Variants in ABLIM1 observed in about 807,000 individuals in gnomAD.
ABLIM1 encodes the protein actin binding LIM protein 1, also known as actin-binding LIM protein 1.
A neutral mutation model predicts 107.0 loss-of-function variants in ABLIM1; 40 were observed. The ratio of observed to expected loss-of-function variants is 0.37; its 90% CI spans 0.29 to 0.49. ABLIM1 has a LOEUF of 0.49. ABLIM1 is among the 20% of genes least tolerant of loss of function. The pLI is 0.97. For missense variants in ABLIM1, 857 were observed against 1,008.5 expected, an observed-to-expected ratio of 0.85 and a Z score of 2.04; for synonymous variants, 357 against 357.3, an observed-to-expected ratio of 1.00 and a Z score of 0.01.
In ABLIM1 at chr10:114,626,758, T is replaced by A. The variant is rs115051453; in HGVS notation, c.245-24797A>T. ...CTCAGAATGTGGCCCTATTTGGAGA[T>A]AGGGTCTTTACAGTGGTGACCAAGT... On this transcript the variant is annotated intron_variant, in intron 1 of 22. Transcript: ENST00000533213. Among the ~76,000 whole-genome samples the A allele has an allele frequency of 3.4e-3, 525 of 152,246 alleles. 3 individuals are homozygous for A. The highest frequency in any genetic ancestry group is 0.012 in the African/African-American group (499 of 41,544).
At chr10:114,716,525 A>T (rs1178223591) in intron 1 of ABLIM1, among the ~76,000 whole-genome samples, 1 of 152,120 alleles carries the variant, frequency 6.6e-6, no homozygotes, top group Non-Finnish European at 1.5e-5. Flanking sequence ...TTATGTGGGG[A>T]CCACTATCTC....
At chr10:114,521,976 C>G (rs573730946) in intron 6 of ABLIM1, among the ~76,000 whole-genome samples, 14 of 152,050 alleles carry the variant, frequency 9.2e-5, no homozygotes, top group Non-Finnish European at 1.9e-4. Context: ...GGATACCTCT[C>G]CAAGTCAAAA....
In ABLIM1 at chr10:114,524,359, C is replaced by A. The variant is rs1248400261; in HGVS notation, c.894+20646G>T. 2.0e-5 allele frequency among the ~76,000 whole-genome samples: 3 copies of A among 152,150 alleles called. No homozygotes were observed. In the South Asian group the frequency reaches 6.2e-4, roughly 32 times the overall value. ...AAATTTTAAACGGAAAAAATCCCAG[C>A]CATTGACTTCATCGTTATCTGTAAA... On this transcript the variant is annotated intron_variant, in intron 6 of 22. Transcript: ENST00000533213.
At chr10:114,572,156 C>T (rs147695763) in intron 3 of ABLIM1, among the ~76,000 whole-genome samples, 37 of 152,322 alleles carry the variant, frequency 2.4e-4, no homozygotes, top group Admixed American at 2.0e-3. Context: ...AATGAACAGA[C>T]ATATGACAGT....
chr10:114,461,593 T>G (rs1589935989), intron 12 of ABLIM1, among the ~76,000 whole-genome samples: 1 of 151,772 alleles, frequency 6.6e-6, no homozygotes, highest in African/African-American at 2.4e-5. Context: ...TCAAGGCGGG[T>G]GGATCACTTG....
chr10:114,491,012 G>GTGTATGTATATATATA, intron 7 of ABLIM1, among the ~76,000 whole-genome samples: 8 of 92,388 alleles, frequency 8.7e-5, no homozygotes, highest in African/African-American at 3.2e-4. Context: ...GTGTGTGTGT[G>GTGTATGTATATATATA]TATATATATA....
chr10:114,456,924 G>GT (rs60405111), intron 12 of ABLIM1, among the ~76,000 whole-genome samples: 3,278 of 108,960 alleles, frequency 0.03, 122 homozygotes, highest in African/African-American at 0.11. Context: ...CTCTCTAGTT[G>GT]TTTTTTTTTT....
intron 1 of ABLIM1, among the ~76,000 whole-genome samples, chr10:114,678,190 G>A (rs1399868746): frequency 6.6e-6 from 1 of 151,530 alleles, no homozygotes; most frequent in Non-Finnish European, 1.5e-5. Context: ...GCAAAAACAT[G>A]AACGTTCTTA....
Position 114,444,152 on chromosome 10 carries a change from G to GAAAA in ABLIM1, c.1828-22_1828-19dup. ...GAGTTAAGCTATTCACAGAAAAAAG[G>GAAAA]AAAAAAAAAAAAAAAAGAAAGCAAA... On this transcript the variant is annotated intron_variant, in intron 16 of 22. Transcript: ENST00000533213. 1.9e-5 allele frequency: 24 copies of GAAAA among 1,276,130 alleles called. No individual in the cohort carries two copies. The highest frequency in any genetic ancestry group is 3.2e-5 in the African/African-American group (2 of 61,746). The allele number at this position is 1,276,130 out of a possible 1,614,324, so 79.1% of individuals were successfully genotyped here. A position where few individuals can be genotyped will look rare whatever the true frequency, so the allele number is the denominator to read the frequency against.
At chr10:114,733,212 A>G (rs1434269983) in intron 1 of ABLIM1, among the ~76,000 whole-genome samples, 1 of 152,182 alleles carries the variant, frequency 6.6e-6, no homozygotes, top group Non-Finnish European at 1.5e-5. Flanking sequence ...ATCAGGTACT[A>G]GTAGGTGATA....
intron 1 of ABLIM1, among the ~76,000 whole-genome samples, chr10:114,674,053 G>T (rs2080372891): frequency 6.6e-6 from 1 of 152,090 alleles, no homozygotes; most frequent in African/African-American, 2.4e-5. Context: ...ACTTTGGGAG[G>T]CCGAGGCAGG....
intron 1 of ABLIM1, among the ~76,000 whole-genome samples, chr10:114,638,551 C>T (rs906272889): frequency 6.6e-6 from 1 of 151,964 alleles, no homozygotes; most frequent in African/African-American, 2.4e-5. Flanking sequence ...AAGCCATGGG[C>T]CCTCTCTTTG....
intron 1 of ABLIM1, among the ~76,000 whole-genome samples, chr10:114,697,512 C>T (rs1233726330): frequency 1.3e-5 from 2 of 152,182 alleles, no homozygotes; most frequent in Non-Finnish European, 2.9e-5. Context: ...TAAATGCCAG[C>T]GAGTAGGAGG....
intron 8 of ABLIM1, among the ~76,000 whole-genome samples, chr10:114,476,669 A>ATAC (rs1185226090): frequency 6.7e-6 from 1 of 150,036 alleles, no homozygotes; most frequent in Non-Finnish European, 1.5e-5. Context: ...AATAATAATA[A>ATAC]TAATAATAAT....
intron 6 of ABLIM1, among the ~76,000 whole-genome samples, chr10:114,507,701 G>A (rs866360247): frequency 2.0e-5 from 3 of 152,184 alleles, no homozygotes; most frequent in South Asian, 4.1e-4. Context: ...TCTAGGGACC[G>A]TGCCATGGCT....
chr10:114,523,054 G>A (rs1025137029), intron 6 of ABLIM1, among the ~76,000 whole-genome samples: 1 of 152,156 alleles, frequency 6.6e-6, no homozygotes, highest in Non-Finnish European at 1.5e-5. Context: ...CGGAGGGTGA[G>A]GCAGGAGAAT....
At chr10:114,752,808 T>C (rs2082546509) in intron 1 of ABLIM1, among the ~76,000 whole-genome samples, 1 of 152,228 alleles carries the variant, frequency 6.6e-6, no homozygotes, top group Non-Finnish European at 1.5e-5. Flanking sequence ...CCATGGTGTA[T>C]ATGTACCACA....
At chr10:114,518,759 G>A (rs933641929) in intron 6 of ABLIM1, among the ~76,000 whole-genome samples, 1 of 151,690 alleles carries the variant, frequency 6.6e-6, no homozygotes, top group Non-Finnish European at 1.5e-5. Context: ...ATTCAGAGAA[G>A]TACAAACAAG....
intron 6 of ABLIM1, among the ~76,000 whole-genome samples, chr10:114,530,524 A>T (rs915294906): frequency 6.6e-6 from 1 of 152,026 alleles, no homozygotes; most frequent in African/African-American, 2.4e-5. Flanking sequence ...GAGTGAAATA[A>T]ATATTTATTT....
Sources: gnomAD v4.1 joint callset for allele counts (sites outside exome capture counted in the v4.1 genomes callset) on GRCh38, gnomAD v4.1.1 for gene constraint, MANE v1.5 for transcripts, NCBI Gene and HGNC (gene_info 2026-07-23, HGNC 2026-07-21) for gene names.